PUM3: variants seen among roughly 807,000 people sequenced by gnomAD.
The protein encoded by PUM3 is pumilio RNA binding family member 3, also known as pumilio homolog 3.
Under a neutral mutation model 84.0 loss-of-function variants are expected in PUM3, and 91 were observed. The ratio of observed to expected loss-of-function variants is 1.08; its 90% CI spans 0.91 to 1.29. The LOEUF is 1.29. Among genes scored for constraint, PUM3 ranks in the 50% most tolerant of loss-of-function variants. PUM3 has a pLI of 0.00. For missense variants in PUM3, 1,067 were observed against 767.5 expected, an observed-to-expected ratio of 1.39 and a Z score of -4.61; for synonymous variants, 321 against 266.7, an observed-to-expected ratio of 1.20 and a Z score of -1.98.
chr9:2,837,119 C>T, intron 3 of PUM3, 61 bp downstream of exon 3: 1 of 1,426,986 alleles, frequency 7.0e-7, no homozygotes, highest in East Asian at 2.3e-5. Flanking sequence ...TAACGCACCT[C>T]CAGAGTCCCT....
At position 2,837,344 on chromosome 9, in the gene PUM3, T is replaced by G. The variant is rs561872127; in HGVS notation, c.140A>C (p.Lys47Thr). Residue 47 changes from lysine (K) to threonine (T), a missense_variant, in exon 3 of 18, where the codon AAA becomes ACA. By Grantham distance (78) the Lys-to-Thr change is moderately conservative. Transcript: ENST00000397885. Reference sequence around the variant, plus strand: ...TTTCTCAAAGTTCCTAGATGTGACTTTAGGTCCACCTTCTTTAGCAACTTT... The same window carrying G: ...TTTCTCAAAGTTCCTAGATGTGACTGTAGGTCCACCTTCTTTAGCAACTTT... The part of the protein sequence containing the change: ...TRKVAKEGGP[K>T]VTSRNFEKSI... The G allele has an allele frequency of 6.2e-7, 1 of 1,613,968 alleles. No individual in the cohort carries two copies. Among genetic ancestry groups the G allele is most frequent in the Non-Finnish European group, 8.5e-7 (1 of 1,179,950 alleles).
At chr9:2,813,089 G>C (rs922429199) in intron 13 of PUM3, among the ~76,000 whole-genome samples, 2 of 152,150 alleles carry the variant, frequency 1.3e-5, no homozygotes, top group Non-Finnish European at 2.9e-5. Flanking sequence ...AGAAGAGGAG[G>C]GGAAACCAAA....
At chr9:2,808,065 G>T in intron 16 of PUM3, 161 bp from the exon 17 acceptor site, 2 of 577,672 alleles carry the variant, frequency 3.5e-6, no homozygotes, top group South Asian at 2.2e-5. Flanking sequence ...TCCAGTGCAG[G>T]TTTATCTAAT....
intron 11 of PUM3, among the ~76,000 whole-genome samples, 183 bp downstream of exon 11, chr9:2,824,534 A>C (rs1815753648): frequency 6.6e-6 from 1 of 152,378 alleles, no homozygotes; most frequent in Admixed American, 6.5e-5. Flanking sequence ...GGAAAGAAGA[A>C]ACACTAGGCC....
chr9:2,827,142 C>T lies in PUM3; in HGVS notation c.966G>A (p.Val322=). Residue 322 remains valine (V), a synonymous_variant, in exon 10 of 18, where the codon GTG becomes GTA. Transcript: ENST00000397885. ...CTTTATGCACCAATGAGTGCTTAAT[C>T]ACAGCTTCCCTGAAAACAGAAAAAA... ...ILTPMAQKEA[V]IKHSLVHKVF... 1 of 1,607,058 alleles carries T rather than the reference C, an allele frequency of 6.2e-7. No homozygotes were observed. Among genetic ancestry groups the T allele is most frequent in the Non-Finnish European group, 8.5e-7 (1 of 1,177,218 alleles).
intron 17 of PUM3, among the ~76,000 whole-genome samples, chr9:2,806,838 G>A (rs1439509889): frequency 2.0e-5 from 3 of 152,052 alleles, no homozygotes; most frequent in African/African-American, 7.3e-5. Context: ...AAACAATGAA[G>A]GAAATTACAT....
intron 15 of PUM3, 132 bp from the exon 16 acceptor site, chr9:2,810,563 A>G: frequency 1.6e-6 from 1 of 612,426 alleles, no homozygotes; most frequent in Middle Eastern, 4.4e-4. Context: ...CACAGGCTTA[A>G]GAGGTCTTTA....
rs772727410 is a variant in PUM3 at position 2,804,352 on chromosome 9, T to C, written c.1926A>G (p.Leu642=). ...TKSTSKGIEI[L]LEKLST The stretch of plus-strand genomic sequence containing the variant: ...CCACCTATGTGCTCAGTTTTTCAAG[T>C]AGAATTTCTATTCCTTTGCTGGTGC... Residue 642 remains leucine, a synonymous_variant, in exon 18 of 18, where the codon CTA becomes CTG. Transcript: ENST00000397885. The C allele has an allele frequency of 2.5e-6, 4 of 1,613,828 alleles. No individual in the cohort carries two copies. Among genetic ancestry groups the C allele is most frequent in the South Asian group, 1.1e-5 (1 of 91,008 alleles).
At chr9:2,822,840 T>TAAAAA (rs1815697898) in intron 12 of PUM3, among the ~76,000 whole-genome samples, 1 of 150,880 alleles carries the variant, frequency 6.6e-6, no homozygotes, top group East Asian at 1.9e-4. Flanking sequence ...GAGAATTCCA[T>TAAAAA]ATTTCACTTT....
intron 15 of PUM3, among the ~76,000 whole-genome samples, chr9:2,810,645 A>T (rs1408063464): frequency 6.6e-6 from 1 of 152,200 alleles, no homozygotes; most frequent in African/African-American, 2.4e-5. Flanking sequence ...CAGTTATGCC[A>T]GATAACACAG....
chr9:2,817,424 C>T (rs990829804), intron 13 of PUM3, among the ~76,000 whole-genome samples: 1 of 152,074 alleles, frequency 6.6e-6, no homozygotes, highest in South Asian at 2.1e-4. Context: ...CATGATAGGA[C>T]CATATATACC....
rs1821363312 is a variant in PUM3, at chr9:2,811,268, T to G, written c.1635+93A>C. ...GTTGTTTATTCAACAGGTATCTCCCTCCCCAGCTTTCTTACTGACACCCCA... is the reference window on the plus strand; with the variant it reads ...GTTGTTTATTCAACAGGTATCTCCCGCCCCAGCTTTCTTACTGACACCCCA... On this transcript the variant is annotated intron_variant, in intron 15 of 17. Transcript: ENST00000397885. The G allele has an allele frequency of 3.1e-6, 3 of 955,884 alleles. No individual in the cohort carries two copies. The African/African-American group carries it at 4.8e-5, about 15-fold the overall frequency. 59.2% of individuals were successfully genotyped at this position (955,884 alleles called of 1,614,324 possible).
chr9:2,838,319 C>A, intron 2 of PUM3, 107 bp downstream of exon 2: 1 of 771,732 alleles, frequency 1.3e-6, no homozygotes, highest in Non-Finnish European at 2.3e-6. Flanking sequence ...CTTCTTCCTA[C>A]TATTTTAATC....
chr9:2,819,688 A>G (rs1290806407), intron 13 of PUM3, among the ~76,000 whole-genome samples: 1 of 152,212 alleles, frequency 6.6e-6, no homozygotes, highest in Non-Finnish European at 1.5e-5. Flanking sequence ...GTTTCTGATC[A>G]TATCTAAATA....
In PUM3 at chr9:2,827,166, A is replaced by C; in HGVS notation, c.957-15T>G. ...TCACAGCTTCCCTGAAAACAGAAAA[A>C]AAAAGCAAAAAGACACAACAGATCT... On this transcript the variant is annotated splice_polypyrimidine_tract_variant and intron_variant, in intron 9 of 17. Transcript: ENST00000397885. 6.3e-7 allele frequency: 1 copy of C among 1,592,154 alleles called. No individual in the cohort carries two copies. Among genetic ancestry groups the C allele is most frequent in the Non-Finnish European group, 8.6e-7 (1 of 1,166,986 alleles).
Position 2,812,254 on chromosome 9 carries a change from C to A in PUM3, c.1378G>T (p.Glu460Ter), listed in dbSNP as rs1456197254. Reference sequence around the variant, plus strand: ...TTTCCATCTCCTTTTTGCAGAACTTCAATGATTTCTCGTACTGTATGTGCA... The same window carrying A: ...TTTCCATCTCCTTTTTGCAGAACTTAAATGATTTCTCGTACTGTATGTGCA... ...DPAHTVREII[E>*]VLQKGDGNAH... The change falls in exon 14 of 18, where the codon GAA (glutamate) becomes TAA (stop). Residue 460 changes from glutamate to a stop codon, truncating the protein, a stop_gained. Coordinates refer to ENST00000397885, the MANE Select transcript of PUM3 (RefSeq NM_014878.5). LOFTEE classifies it high-confidence loss of function. The A allele has an allele frequency of 6.2e-7, 1 of 1,613,636 alleles. No homozygotes were observed. Among genetic ancestry groups the A allele is most frequent in the East Asian group, 2.2e-5 (1 of 44,848 alleles).
rs111468246 is a variant in PUM3 at position 2,818,682 on chromosome 9, C to T, written c.1269+1336G>A. On this transcript the variant is annotated intron_variant, in intron 13 of 17. Coordinates refer to ENST00000397885, the MANE Select transcript of PUM3 (RefSeq NM_014878.5). Reference sequence around the variant, plus strand: ...AAGTCACAAGGAACATGTCAAAATACTCAGTTTGTAACATGAAAGTCTTGC... The same window carrying T: ...AAGTCACAAGGAACATGTCAAAATATTCAGTTTGTAACATGAAAGTCTTGC... Among the ~76,000 whole-genome samples, 1,521 of 152,274 alleles carry T rather than the reference C, an allele frequency of 1.0e-2. 38 individuals are homozygous for T. The highest frequency in any genetic ancestry group is 0.035 in the African/African-American group (1,457 of 41,544).
chr9:2,827,713 G>A (rs1376341154), intron 9 of PUM3, among the ~76,000 whole-genome samples: 3 of 152,206 alleles, frequency 2.0e-5, no homozygotes, highest in East Asian at 3.8e-4. Context: ...AAAGTTCACA[G>A]GTGATACCCA....
intron 3 of PUM3, among the ~76,000 whole-genome samples, chr9:2,834,818 C>A (rs901155967): frequency 3.8e-5 from 5 of 129,920 alleles, no homozygotes; most frequent in African/African-American, 1.4e-4. Context: ...CAGAGTGATA[C>A]TATAAAAGTC....
Sources: allele counts gnomAD v4.1 joint callset (sites outside exome capture counted in the v4.1 genomes callset), GRCh38; gene constraint gnomAD v4.1.1; transcripts MANE v1.5; gene names NCBI Gene and HGNC (gene_info 2026-07-23, HGNC 2026-07-21).